The following DDX60 variants were observed in gnomAD, a reference collection of about 807,000 sequenced individuals.
The protein encoded by DDX60 is probable ATP-dependent RNA helicase DDX60.
Under a neutral mutation model 212.8 loss-of-function variants are expected in DDX60, and 165 were observed. The observed-to-expected ratio is 0.78, with a 90% CI of 0.68 to 0.88. The LOEUF is 0.88. DDX60 is among the 40% of genes least tolerant of loss of function. The probability of loss-of-function intolerance (pLI) is 0.00; values close to 1 mark genes in which losing one functional copy is unlikely to be tolerated. For synonymous variants in DDX60, 703 were observed against 685.3 expected, an observed-to-expected ratio of 1.03 and a Z score of -0.40; for missense variants, 1,905 against 2,003.9, an observed-to-expected ratio of 0.95 and a Z score of 0.94.
chr4:168,299,933 C>T (rs1213742093), intron 6 of DDX60, among the ~76,000 whole-genome samples: 1 of 152,150 alleles, frequency 6.6e-6, no homozygotes, highest in Non-Finnish European at 1.5e-5. Context: ...AGAAGACATT[C>T]TAATCTTTTT....
chr4:168,224,122 C>A (rs1224539288), intron 35 of DDX60, 121 bp downstream of exon 35: 4 of 1,038,760 alleles, frequency 3.9e-6, no homozygotes, highest in Non-Finnish European at 5.7e-6. Flanking sequence ...TCTGTTGATA[C>A]ACCCAGATTT....
intron 6 of DDX60, 57 bp downstream of exon 6, chr4:168,302,243 C>A (rs1197822138): frequency 2.2e-6 from 2 of 917,452 alleles, no homozygotes; most frequent in African/African-American, 1.7e-5. Flanking sequence ...ATTTTTGCAA[C>A]TTTTCTATAA....
intron 6 of DDX60, among the ~76,000 whole-genome samples, chr4:168,299,157 C>CAAAAAAAAAAAAAAAAAAAAAAAA (rs1197872492): frequency 3.2e-5 from 2 of 61,926 alleles, no homozygotes; most frequent in African/African-American, 6.2e-5. Flanking sequence ...GAGACTGTCT[C>CAAAAAAAAAAAAAAAAAAAAAAAA]AAAAAAAAAA....
At position 168,267,689 on chromosome 4, in the gene DDX60, G is replaced by A. The variant is rs774077783; in HGVS notation, c.2932C>T (p.Leu978Phe). The change falls in exon 22 of 38, where the codon CTC becomes TTC. Residue 978 changes from leucine (L) to phenylalanine (F), a missense_variant and splice_region_variant. By Grantham distance (22) the Leu-to-Phe change is conservative (BLOSUM62 0). Coordinates refer to ENST00000393743, the MANE Select transcript of DDX60 (RefSeq NM_017631.6). ...VKQSYKVRLV[L>F]YGERYNDLEK... is the part of the protein sequence containing the mutation. ...AGATCATTATACCTCTCTCCATAGA[G>A]CACTAAAAATGAAGAACAAGAATTT... 6.3e-7 allele frequency: 1 copy of A among 1,575,502 alleles called. No homozygotes were observed. Among genetic ancestry groups the A allele is most frequent in the Non-Finnish European group, 8.6e-7 (1 of 1,161,676 alleles).
At chr4:168,250,580 T>C (rs113118597) in intron 28 of DDX60, among the ~76,000 whole-genome samples, 9,636 of 150,392 alleles carry the variant, frequency 0.064, 460 homozygotes, top group East Asian at 0.15. Flanking sequence ...GGCTAGAGTG[T>C]GATGGCATGA....
chr4:168,298,758 T>C (rs892941760), intron 6 of DDX60, among the ~76,000 whole-genome samples: 1 of 152,072 alleles, frequency 6.6e-6, no homozygotes, highest in Non-Finnish European at 1.5e-5. Flanking sequence ...ATTGTGGTGA[T>C]AGGGAATCTT....
At chr4:168,308,257 A>G in intron 3 of DDX60, 62 bp from the exon 4 acceptor site, 1 of 986,150 alleles carries the variant, frequency 1.0e-6, no homozygotes, top group Non-Finnish European at 1.5e-6. Context: ...CCAAAAAGGC[A>G]TCGTTCTTAT....
In DDX60 at chr4:168,306,389, A is replaced by T. The variant is rs1277316136; in HGVS notation, c.596T>A (p.Phe199Tyr). 8 of 1,588,798 alleles carry T rather than the reference A, an allele frequency of 5.0e-6. No individual in the cohort carries two copies. Among genetic ancestry groups the T allele is most frequent in the Non-Finnish European group, 6.9e-6 (8 of 1,166,088 alleles). Residue 199 changes from phenylalanine (F) to tyrosine (Y), a missense_variant, in exon 5 of 38, where the codon TTT (phenylalanine) becomes TAT (tyrosine). Physicochemically the swap from Phe to Tyr is conservative, Grantham distance 22. Transcript: ENST00000393743. ...TTGGATGTGAATTACCTTCCAGGAA[A>T]AAATCTGGTGTCTGTACATGCTTGG... ...LLPSMYRHQIFSWKNKQNIKD... is the reference protein window; with the variant it reads ...LLPSMYRHQIYSWKNKQNIKD...
intron 14 of DDX60, 140 bp downstream of exon 14, chr4:168,280,195 T>C (rs1312042495): frequency 7.1e-6 from 8 of 1,128,556 alleles, no homozygotes; most frequent in African/African-American, 3.2e-5. Context: ...CGGGAAACTA[T>C]TGTAAAGGTA....
At chr4:168,272,021 A>G in intron 19 of DDX60, 22 bp downstream of exon 19, 2 of 1,545,340 alleles carry the variant, frequency 1.3e-6, no homozygotes, top group Non-Finnish European at 1.8e-6. Context: ...GGAATTAAGC[A>G]AAGAAAGAAC....
chr4:168,281,892 G>C (rs1042160678), intron 13 of DDX60, among the ~76,000 whole-genome samples: 3 of 152,140 alleles, frequency 2.0e-5, no homozygotes, highest in Admixed American at 1.3e-4. Flanking sequence ...GCATGGTTCT[G>C]TTTCAATAGT....
At chr4:168,314,424 A>T (rs1461963848) in intron 1 of DDX60, among the ~76,000 whole-genome samples, 1 of 152,198 alleles carries the variant, frequency 6.6e-6, no homozygotes, top group East Asian at 1.9e-4. Context: ...GCAGAGACAG[A>T]AAAGACCTTC....
At chr4:168,254,849 A>C (rs945857410) in intron 26 of DDX60, among the ~76,000 whole-genome samples, 2 of 152,194 alleles carry the variant, frequency 1.3e-5, no homozygotes, top group African/African-American at 4.8e-5. Flanking sequence ...ATGTGAGGAG[A>C]ATCATAAATA....
At chr4:168,300,586 GT>G (rs1211795042) in intron 6 of DDX60, among the ~76,000 whole-genome samples, 1 of 151,822 alleles carries the variant, frequency 6.6e-6, no homozygotes, top group East Asian at 1.9e-4. Context: ...CAGAATGTGT[GT>G]GTGTGTGTGT....
intron 8 of DDX60, among the ~76,000 whole-genome samples, chr4:168,289,719 G>A (rs191116801): frequency 3.9e-5 from 6 of 152,152 alleles, no homozygotes; most frequent in South Asian, 2.1e-4. Context: ...ATACAATGAC[G>A]GCATCCCCAC....
chr4:168,292,049 C>CTTTCCTTTT (rs58664687), intron 7 of DDX60, 143 bp from the exon 8 acceptor site: 9,984 of 301,754 alleles, frequency 0.033, 155 homozygotes, highest in South Asian at 0.045. Flanking sequence ...TTCTTTCTTT[C>CTTTCCTTTT]TTTTTTTTTT....
At chr4:168,231,926 C>T (rs895918248) in intron 33 of DDX60, among the ~76,000 whole-genome samples, 3 of 151,926 alleles carry the variant, frequency 2.0e-5, no homozygotes, top group Non-Finnish European at 4.4e-5. Context: ...GTCAAACTGT[C>T]ACCATTTCCC....
At chr4:168,290,797 T>C (rs548843616) in intron 8 of DDX60, among the ~76,000 whole-genome samples, 1 of 152,354 alleles carries the variant, frequency 6.6e-6, no homozygotes, top group Non-Finnish European at 1.5e-5. Flanking sequence ...TGTAGGTCTA[T>C]GAAGGGGTTG....
Position 168,292,297 on chromosome 4 carries a change from G to A in DDX60, c.883-391C>T, listed in dbSNP as rs150662709. Among the ~76,000 whole-genome samples, 1,076 of 151,808 alleles carry A rather than the reference G, an allele frequency of 7.1e-3. 11 individuals carry two copies. The highest frequency in any genetic ancestry group is 0.011 in the Non-Finnish European group (753 of 67,912). Reference sequence around the variant, plus strand: ...TGACCTCAGGTAACCCACCTGCCTCGGCCTCCCAAAGTGCTAGGATTACTC... The same window carrying A: ...TGACCTCAGGTAACCCACCTGCCTCAGCCTCCCAAAGTGCTAGGATTACTC... On this transcript the variant is annotated intron_variant, in intron 7 of 37. Coordinates refer to ENST00000393743, the MANE Select transcript of DDX60 (RefSeq NM_017631.6).
Sources: allele counts gnomAD v4.1 joint callset (sites outside exome capture counted in the v4.1 genomes callset), GRCh38; gene constraint gnomAD v4.1.1; transcripts MANE v1.5; gene names NCBI Gene and HGNC (gene_info 2026-07-23, HGNC 2026-07-21).